Variants in TBC1D32 observed in about 807,000 individuals in gnomAD.
The protein encoded by TBC1D32 is protein broad-minded.
In TBC1D32, 151 loss-of-function variants were observed where a neutral mutation model predicts 170.3. The observed-to-expected ratio is 0.89, with a 90% CI of 0.78 to 1.01. The LOEUF is 1.01. TBC1D32 is among the 50% of genes least tolerant of loss of function. TBC1D32 has a pLI of 0.00. For missense variants in TBC1D32, 1,464 were observed against 1,457.1 expected, an observed-to-expected ratio of 1.00 and a Z score of -0.08; for synonymous variants, 498 against 488.0, an observed-to-expected ratio of 1.02 and a Z score of -0.27.
chr6:121,309,650 T>C (rs1178775144), intron 4 of TBC1D32, among the ~76,000 whole-genome samples: 15 of 152,208 alleles, frequency 9.9e-5, no homozygotes, highest in African/African-American at 3.6e-4. Flanking sequence ...TCATGCTGAC[T>C]TTCAAATGAA....
chr6:121,323,864 C>T (rs1170802995), intron 1 of TBC1D32, among the ~76,000 whole-genome samples: 2 of 152,062 alleles, frequency 1.3e-5, no homozygotes, highest in Non-Finnish European at 1.5e-5. Flanking sequence ...CACTTGAACC[C>T]GGGAGGCGGA....
At chr6:121,086,834 T>A (rs920947243) in intron 31 of TBC1D32, among the ~76,000 whole-genome samples, 1 of 152,184 alleles carries the variant, frequency 6.6e-6, no homozygotes, top group Non-Finnish European at 1.5e-5. Context: ...TATGAACTAC[T>A]ATTAAACTGT....
Position 121,241,458 on chromosome 6 carries a change from C to A in TBC1D32, c.2245+7G>T. ...AATTATAATTCTAATGAAAAGAAAA[C>A]ATTTACCTGACTTTTTTAGTGCAAT... is the stretch of plus-strand genomic sequence containing the variant. On this transcript the variant is annotated splice_region_variant and intron_variant, in intron 19 of 31. Coordinates refer to ENST00000398212, the MANE Select transcript of TBC1D32 (RefSeq NM_152730.6). 1.2e-6 allele frequency: 2 copies of A among 1,609,290 alleles called. No homozygotes were observed. The highest frequency in any genetic ancestry group is 8.5e-7 in the Non-Finnish European group (1 of 1,177,166).
intron 2 of TBC1D32, among the ~76,000 whole-genome samples, chr6:121,318,343 C>A: frequency 6.6e-6 from 1 of 152,058 alleles, no homozygotes. Flanking sequence ...TATCAAATTT[C>A]TCTACTTTGT....
intron 13 of TBC1D32, among the ~76,000 whole-genome samples, 196 bp downstream of exon 13, chr6:121,283,622 G>A (rs1583557701): frequency 6.6e-6 from 1 of 151,880 alleles, no homozygotes; most frequent in South Asian, 2.1e-4. Context: ...TAGTAGAGTG[G>A]AAACATCTTA....
In TBC1D32 at chr6:121,277,403, G is replaced by A. The variant is rs146568907; in HGVS notation, c.1733+1718C>T. Among the ~76,000 whole-genome samples, 326 of 143,476 alleles carry A rather than the reference G, an allele frequency of 2.3e-3. 2 individuals carry two copies. Among genetic ancestry groups the A allele is most frequent in the African/African-American group, 7.9e-3 (299 of 37,802 alleles). 94.1% of individuals were successfully genotyped at this position (143,476 alleles called of 152,430 possible). ...CTTGGGAGGTTGAGGCACTAGAATC[G>A]CTTGAACCCAGAAGGTGGAGTTTGC... On this transcript the variant is annotated intron_variant, in intron 15 of 31. Coordinates refer to ENST00000398212, the MANE Select transcript of TBC1D32 (RefSeq NM_152730.6).
chr6:121,193,133 G>A (rs1790293383), intron 22 of TBC1D32, among the ~76,000 whole-genome samples: 3 of 152,156 alleles, frequency 2.0e-5, no homozygotes, highest in Admixed American at 2.0e-4. Context: ...GAAAATGGTG[G>A]GAGGAACATA....
chr6:121,296,350 T>C (rs78187099), intron 10 of TBC1D32, among the ~76,000 whole-genome samples: 3,649 of 152,216 alleles, frequency 0.024, 161 homozygotes, highest in East Asian at 0.12. Flanking sequence ...TGGGGGGTTG[T>C]CTTGGGGACC....
chr6:121,211,084 T>C (rs912867909), intron 21 of TBC1D32, among the ~76,000 whole-genome samples: 4 of 151,984 alleles, frequency 2.6e-5, no homozygotes, highest in Non-Finnish European at 5.9e-5. Context: ...AACCCAAGTG[T>C]CCACCAGTAA....
chr6:121,287,319 A>C (rs1426498686), intron 12 of TBC1D32, among the ~76,000 whole-genome samples: 2 of 152,180 alleles, frequency 1.3e-5, no homozygotes, highest in South Asian at 2.1e-4. Context: ...TCTACCAAGC[A>C]AATGGAAAAC....
At chr6:121,306,444 C>G (rs925033351) in intron 5 of TBC1D32, among the ~76,000 whole-genome samples, 1 of 152,050 alleles carries the variant, frequency 6.6e-6, no homozygotes, top group African/African-American at 2.4e-5. Flanking sequence ...ATGGTGTGTT[C>G]CCAGTGTCTA....
chr6:121,178,893 A>G (rs1478833107), intron 22 of TBC1D32, among the ~76,000 whole-genome samples: 1 of 152,216 alleles, frequency 6.6e-6, no homozygotes, highest in Admixed American at 6.5e-5. Context: ...TGTGTGAGTT[A>G]GGAAGCAGAT....
At chr6:121,108,094 A>T (rs1778862952) in intron 29 of TBC1D32, among the ~76,000 whole-genome samples, 1 of 152,078 alleles carries the variant, frequency 6.6e-6, no homozygotes. Context: ...TTGCACACAC[A>T]GACTGCACAG....
chr6:121,199,084 CATA>C (rs1015674566), intron 22 of TBC1D32, among the ~76,000 whole-genome samples: 1 of 151,248 alleles, frequency 6.6e-6, no homozygotes, highest in African/African-American at 2.5e-5. Context: ...AAAATTAAAT[CATA>C]ATAAGGGTGT....
intron 24 of TBC1D32, among the ~76,000 whole-genome samples, chr6:121,134,701 A>C (rs527301269): frequency 4.5e-4 from 68 of 152,162 alleles, no homozygotes; most frequent in Non-Finnish European, 3.5e-4. Context: ...ATGTGATATG[A>C]TATTAACTGA....
chr6:121,240,005 A>T (rs943535663), intron 19 of TBC1D32, among the ~76,000 whole-genome samples: 2 of 152,150 alleles, frequency 1.3e-5, no homozygotes, highest in Non-Finnish European at 2.9e-5. Context: ...AAATCCTGTG[A>T]CTTCTTGGAG....
At chr6:121,210,592 T>C (rs528596799) in intron 21 of TBC1D32, among the ~76,000 whole-genome samples, 1 of 152,316 alleles carries the variant, frequency 6.6e-6, no homozygotes, top group East Asian at 1.9e-4. Context: ...TTCTCAGGCC[T>C]CAAACACAAA....
At chr6:121,271,027 T>C (rs1391738557) in intron 15 of TBC1D32, among the ~76,000 whole-genome samples, 2 of 152,132 alleles carry the variant, frequency 1.3e-5, no homozygotes, top group Non-Finnish European at 1.5e-5. Flanking sequence ...ATTATCTCAA[T>C]AGATGCAGAA....
intron 12 of TBC1D32, among the ~76,000 whole-genome samples, chr6:121,286,460 C>A (rs1017594853): frequency 2.6e-5 from 4 of 151,954 alleles, no homozygotes; most frequent in East Asian, 3.9e-4. Context: ...AAGAAATGAA[C>A]AAAGCCTCCA....
Sources: allele counts gnomAD v4.1 joint callset (sites outside exome capture counted in the v4.1 genomes callset), GRCh38; gene constraint gnomAD v4.1.1; transcripts MANE v1.5; gene names NCBI Gene and HGNC (gene_info 2026-07-23, HGNC 2026-07-21).